The following CCDC171 variants were observed in gnomAD, a reference collection of about 807,000 sequenced individuals.
CCDC171 encodes the protein coiled-coil domain containing 171.
In CCDC171, 177 loss-of-function variants were observed where a neutral mutation model predicts 168.2. That is an observed-to-expected ratio of 1.05 (90% CI 0.93 to 1.19). CCDC171 has a LOEUF of 1.19. Ranked by LOEUF, CCDC171 falls within the 50% of genes most tolerant of loss-of-function variation. CCDC171 has a pLI of 0.00. For missense variants in CCDC171, 1,991 were observed against 1,539.0 expected (o/e 1.29, Z -4.91); for synonymous variants, 687 against 540.8 (o/e 1.27, Z -3.75).
intron 16 of CCDC171, 116 bp from the exon 17 acceptor site, chr9:15,744,157 T>C (rs1333243677): frequency 6.3e-6 from 5 of 796,480 alleles, no homozygotes; most frequent in Admixed American, 6.0e-5. Context: ...AGCACATGTA[T>C]CTTTTAAAGA....
chr9:15,920,272 T>A lies in CCDC171; in HGVS notation c.3603T>A (p.Ala1201=), dbSNP rs1207294303. ...KGGPEVVACQ[A]MIKSFMDVYQ... is the part of the protein sequence containing the mutation. The stretch of plus-strand genomic sequence containing the variant: ...TGACATTATTTTTATTTCTTAAGGC[T>A]ATGATTAAAAGTTTCATGGATGTCT... Residue 1201 remains alanine (A), a splice_region_variant and synonymous_variant, in exon 25 of 26, where the codon GCT becomes GCA. Coordinates refer to ENST00000380701, the MANE Select transcript of CCDC171 (RefSeq NM_173550.4). The A allele has an allele frequency of 6.4e-7, 1 of 1,571,550 alleles. No individual in the cohort carries two copies.
chr9:16,012,008 T>C (rs1832882361), intron 3 of CCDC171, among the ~76,000 whole-genome samples: 3 of 152,196 alleles, frequency 2.0e-5, no homozygotes, highest in Admixed American at 2.0e-4. Context: ...GATTGTCCTT[T>C]CCTTCTCAAT....
At chr9:15,692,982 C>T (rs575460794) in intron 10 of CCDC171, among the ~76,000 whole-genome samples, 2 of 151,870 alleles carry the variant, frequency 1.3e-5, no homozygotes, top group East Asian at 3.9e-4. Flanking sequence ...ACTAGAAATA[C>T]AAAAATTAGT....
intron 8 of CCDC171, among the ~76,000 whole-genome samples, chr9:15,661,143 C>G (rs199756183): frequency 3.3e-5 from 5 of 151,908 alleles, no homozygotes; most frequent in Non-Finnish European, 5.9e-5. Context: ...AGCCGGGCGT[C>G]GTGGCGGGCG....
At chr9:15,586,321 A>G (rs983168285) in intron 4 of CCDC171, among the ~76,000 whole-genome samples, 8 of 152,218 alleles carry the variant, frequency 5.3e-5, no homozygotes, top group Non-Finnish European at 1.0e-4. Context: ...AAATTTTTAT[A>G]GTGAAATGTT....
At chr9:15,906,088 A>G (rs1161047181) in intron 24 of CCDC171, among the ~76,000 whole-genome samples, 1 of 152,240 alleles carries the variant, frequency 6.6e-6, no homozygotes, top group Non-Finnish European at 1.5e-5. Context: ...GAATTCTACC[A>G]GAGGTACAAG....
chr9:15,613,479 C>G (rs1436847961), intron 6 of CCDC171, among the ~76,000 whole-genome samples: 2 of 148,148 alleles, frequency 1.3e-5, no homozygotes, highest in Non-Finnish European at 3.0e-5. Context: ...TTTAAGAAAG[C>G]TTAATAAAAA....
chr9:15,554,767 C>T (rs911844101), intron 1 of CCDC171, among the ~76,000 whole-genome samples: 7 of 152,174 alleles, frequency 4.6e-5, no homozygotes, highest in Admixed American at 4.6e-4. Flanking sequence ...AGAGGATGGA[C>T]TTAGCCAGAT....
intron 1 of CCDC171, 55 bp from the exon 2 acceptor site, chr9:15,563,923 A>G: frequency 1.7e-6 from 1 of 582,292 alleles, no homozygotes. Context: ...AACAAGAAAA[A>G]TCTCCAATAG....
intron 8 of CCDC171, 54 bp downstream of exon 8, chr9:15,657,273 G>C: frequency 8.9e-7 from 1 of 1,124,250 alleles, no homozygotes; most frequent in Non-Finnish European, 1.3e-6. Context: ...TGTTATAACA[G>C]CTGGGAAAAA....
At chr9:15,967,925 T>C (rs3008750) in intron 25 of CCDC171, among the ~76,000 whole-genome samples, 37,985 of 152,126 alleles carry the variant, frequency 0.25, 5,060 homozygotes, top group South Asian at 0.34. Context: ...ACAGACAATT[T>C]ATTGGGTGGT....
At position 15,654,207 on chromosome 9, in the gene CCDC171, A is replaced by T. The variant is rs573029046; in HGVS notation, c.823-2920A>T. 4.6e-5 allele frequency among the ~76,000 whole-genome samples: 7 copies of T among 152,310 alleles called. No individual in the cohort carries two copies. The South Asian group carries it at 1.4e-3, about 32-fold the overall frequency. On this transcript the variant is annotated intron_variant, in intron 7 of 25. Coordinates refer to ENST00000380701, the MANE Select transcript of CCDC171 (RefSeq NM_173550.4). Reference sequence around the variant, plus strand: ...TTGGATTTATTGCTTTCTGTAAAAAAAAAAAACCAAAACTATTTTCTAGTA... The same window carrying T: ...TTGGATTTATTGCTTTCTGTAAAAATAAAAAACCAAAACTATTTTCTAGTA...
intron 1 of CCDC171, among the ~76,000 whole-genome samples, chr9:15,555,556 G>A (rs1045888803): frequency 1.3e-5 from 2 of 152,206 alleles, no homozygotes; most frequent in Non-Finnish European, 2.9e-5. Context: ...GGGATGAACT[G>A]TGTCTTGAGG....
chr9:15,718,585 G>T (rs1017302542), intron 11 of CCDC171, among the ~76,000 whole-genome samples: 3 of 152,254 alleles, frequency 2.0e-5, no homozygotes, highest in African/African-American at 7.2e-5. Flanking sequence ...GGCCACAGGG[G>T]TGCTTGTGTC....
At chr9:15,574,054 A>T (rs980147569) in intron 3 of CCDC171, among the ~76,000 whole-genome samples, 1 of 152,178 alleles carries the variant, frequency 6.6e-6, no homozygotes, top group Non-Finnish European at 1.5e-5. Context: ...GAAGGAATAC[A>T]GTTTTCTTAA....
chr9:15,995,223 C>G lies in CCDC171; in HGVS notation n.369-25366C>G, dbSNP rs1318723101. On this transcript the variant is annotated intron_variant and non_coding_transcript_variant, in intron 3 of 9. Coordinates refer to the CCDC171 transcript ENST00000486641. ...ATGAAGTAACATTTGGGGGAAAGTA[C>G]CTGCCATAACAGGATTAATGAGAAT... 2.6e-5 allele frequency among the ~76,000 whole-genome samples: 4 copies of G among 152,188 alleles called. No homozygotes were observed. The East Asian group carries it at 7.7e-4, about 29-fold the overall frequency.
intron 16 of CCDC171, among the ~76,000 whole-genome samples, chr9:15,734,000 C>T (rs2054320596): frequency 5.3e-5 from 8 of 152,060 alleles, no homozygotes; most frequent in Admixed American, 3.9e-4. Flanking sequence ...GTCTCCAACT[C>T]CTGGCCTCAA....
chr9:15,664,839 C>G (rs1052435096), intron 8 of CCDC171, among the ~76,000 whole-genome samples: 1 of 151,552 alleles, frequency 6.6e-6, no homozygotes, highest in African/African-American at 2.4e-5. Context: ...GCTGGGATTA[C>G]AGGCACGCAC....
intron 1 of CCDC171, among the ~76,000 whole-genome samples, chr9:15,554,437 A>G (rs1252867959): frequency 6.6e-6 from 1 of 152,166 alleles, no homozygotes; most frequent in Non-Finnish European, 1.5e-5. Flanking sequence ...ACCTGCTAAG[A>G]GGAAAGATGA....
Sources: allele counts gnomAD v4.1 joint callset (sites outside exome capture counted in the v4.1 genomes callset), GRCh38; gene constraint gnomAD v4.1.1; transcripts MANE v1.5; gene names NCBI Gene and HGNC (gene_info 2026-07-23, HGNC 2026-07-21).